The following WDFY4 variants were observed in gnomAD, a reference collection of about 807,000 sequenced individuals.
The protein encoded by WDFY4 is WDFY family member 4.
In WDFY4, 169 loss-of-function variants were observed where a neutral mutation model predicts 351.9. The ratio of observed to expected loss-of-function variants is 0.48; its 90% CI spans 0.42 to 0.55. The LOEUF (loss-of-function observed/expected upper bound fraction) is 0.55, where lower values mean the gene tolerates loss of function less well. Among genes scored for constraint, WDFY4 ranks in the 20% least tolerant of loss-of-function variants. The pLI is 0.00. For missense variants in WDFY4, 3,803 were observed against 3,935.6 expected, an observed-to-expected ratio of 0.97 and a Z score of 0.90; for synonymous variants, 1,622 against 1,574.6, an observed-to-expected ratio of 1.03 and a Z score of -0.71.
rs527264689 is a variant in WDFY4, at chr10:48,882,685, G to A, written c.7167+5486G>A. 1.5e-3 allele frequency among the ~76,000 whole-genome samples: 228 copies of A among 152,280 alleles called. 1 individual carries two copies. The highest frequency in any genetic ancestry group is 5.2e-3 in the African/African-American group (214 of 41,552). On this transcript the variant is annotated intron_variant, in intron 43 of 61. Transcript: ENST00000325239. Reference sequence around the variant, plus strand: ...TCACATAGTGAGAGAGGCAGCAAGAGAGAGAGGGAGGAGGGGCCAGGCTCT... The same window carrying A: ...TCACATAGTGAGAGAGGCAGCAAGAAAGAGAGGGAGGAGGGGCCAGGCTCT...
At chr10:48,924,349 A>G (rs1160862583) in intron 47 of WDFY4, among the ~76,000 whole-genome samples, 3 of 152,210 alleles carry the variant, frequency 2.0e-5, no homozygotes, top group Non-Finnish European at 2.9e-5. Flanking sequence ...AGAAGCCATG[A>G]TCTTTTGATC....
At chr10:48,700,384 A>T (rs1020979398) in intron 1 of WDFY4, among the ~76,000 whole-genome samples, 1 of 152,116 alleles carries the variant, frequency 6.6e-6, no homozygotes, top group Admixed American at 6.5e-5. Context: ...TCAGGGTCTT[A>T]TGTCCTCCAA....
intron 12 of WDFY4, among the ~76,000 whole-genome samples, chr10:48,754,984 A>G (rs1258526191): frequency 3.3e-5 from 5 of 152,156 alleles, no homozygotes; most frequent in Non-Finnish European, 5.9e-5. Flanking sequence ...CTACAGTTCT[A>G]TGGGTTTTAA....
chr10:48,863,482 C>T (rs1008385112), intron 39 of WDFY4, among the ~76,000 whole-genome samples: 1 of 152,112 alleles, frequency 6.6e-6, no homozygotes, highest in Non-Finnish European at 1.5e-5. Flanking sequence ...TGCTTATTAG[C>T]CATTTGAATA....
chr10:48,756,613 C>A (rs2065345456), intron 12 of WDFY4, among the ~76,000 whole-genome samples: 1 of 151,992 alleles, frequency 6.6e-6, no homozygotes, highest in African/African-American at 2.4e-5. Flanking sequence ...TGTAGATGCC[C>A]ATTGTTAGGT....
chr10:48,871,170 C>T (rs1045644779), intron 40 of WDFY4, among the ~76,000 whole-genome samples: 10 of 152,078 alleles, frequency 6.6e-5, no homozygotes, highest in South Asian at 2.1e-4. Flanking sequence ...CTCCTGACCT[C>T]GTGATCCGCC....
At chr10:48,924,488 A>T (rs1477251143) in intron 47 of WDFY4, among the ~76,000 whole-genome samples, 2 of 152,252 alleles carry the variant, frequency 1.3e-5, no homozygotes, top group Non-Finnish European at 2.9e-5. Context: ...AAGCAGATAG[A>T]TGGGCGAATA....
intron 13 of WDFY4, among the ~76,000 whole-genome samples, chr10:48,774,200 C>G (rs998398679): frequency 6.6e-6 from 1 of 152,224 alleles, no homozygotes; most frequent in Non-Finnish European, 1.5e-5. Context: ...TGGCCTCCAT[C>G]TTTAGCCATT....
intron 55 of WDFY4, chr10:48,967,327 A>C (rs1353619627): frequency 6.6e-6 from 1 of 152,262 alleles, no homozygotes; most frequent in Non-Finnish European, 1.5e-5. Flanking sequence ...GCCTGCAGAG[A>C]GTTGGTGAGG....
chr10:48,710,789 G>A (rs780161168), intron 2 of WDFY4, among the ~76,000 whole-genome samples: 17 of 152,334 alleles, frequency 1.1e-4, no homozygotes, highest in Admixed American at 9.8e-4. Flanking sequence ...ACAGCTCCAC[G>A]AAGGAAACCA....
At chr10:48,892,976 C>A (rs532818802) in intron 44 of WDFY4, among the ~76,000 whole-genome samples, 2 of 152,318 alleles carry the variant, frequency 1.3e-5, no homozygotes, top group East Asian at 3.9e-4. Context: ...TGGCAAAAAA[C>A]AAACAAATGC....
chr10:48,768,236 G>A (rs541173762), intron 13 of WDFY4, among the ~76,000 whole-genome samples: 110 of 152,280 alleles, frequency 7.2e-4, no homozygotes, highest in African/African-American at 2.2e-3. Context: ...GTCAGTGCTC[G>A]GTCTCCAGGC....
intron 2 of WDFY4, among the ~76,000 whole-genome samples, chr10:48,714,663 A>G (rs1352354166): frequency 6.6e-6 from 1 of 152,212 alleles, no homozygotes; most frequent in Non-Finnish European, 1.5e-5. Context: ...CTGTAATAAT[A>G]GAAATGGGGA....
intron 45 of WDFY4, among the ~76,000 whole-genome samples, chr10:48,899,418 G>A (rs1837245537): frequency 6.6e-6 from 1 of 152,146 alleles, no homozygotes; most frequent in South Asian, 2.1e-4. Flanking sequence ...CTTCCAGCCA[G>A]GTAGATGCAG....
At chr10:48,808,868 C>CCA (rs2067345629) in intron 28 of WDFY4, among the ~76,000 whole-genome samples, 2 of 152,274 alleles carry the variant, frequency 1.3e-5, no homozygotes, top group African/African-American at 4.8e-5. Flanking sequence ...CCCCAGGGAC[C>CCA]CAGAGGAGGC....
At chr10:48,806,347 G>GACC (rs1192258039) in intron 27 of WDFY4, among the ~76,000 whole-genome samples, 1 of 152,186 alleles carries the variant, frequency 6.6e-6, no homozygotes, top group Non-Finnish European at 1.5e-5. Context: ...GTTCCCTGTA[G>GACC]ACCAGCATGT....
At position 48,779,969 on chromosome 10, in the gene WDFY4, G is replaced by A; in HGVS notation, c.3426G>A (p.Glu1142=). The change falls in exon 19 of 62, where the codon GAG becomes GAA. Residue 1142 remains glutamate, a synonymous_variant. Transcript: ENST00000325239. ...LDVMEPEDDS[E]PSAGCQLQVR... is the part of the protein sequence containing the mutation. Reference sequence around the variant, plus strand: ...TCATGGAACCTGAGGATGACTCCGAGCCTTCTGCAGGATGCCAGCTTCAGG... The same window carrying A: ...TCATGGAACCTGAGGATGACTCCGAACCTTCTGCAGGATGCCAGCTTCAGG... 2 of 1,551,814 alleles carry A rather than the reference G, an allele frequency of 1.3e-6. No homozygotes were observed. Among genetic ancestry groups the A allele is most frequent in the Non-Finnish European group, 1.7e-6 (2 of 1,147,014 alleles).
chr10:48,938,292 T>C (rs78733553), intron 47 of WDFY4, among the ~76,000 whole-genome samples: 6,171 of 152,320 alleles, frequency 0.041, 407 homozygotes, highest in African/African-American at 0.14. Context: ...CCCTCTGTAG[T>C]TGTCTGCCAT....
In WDFY4 at chr10:48,834,107, G is replaced by A. The variant is rs80331409; in HGVS notation, c.6663+1398G>A. ...AAGGGCAAAGCACATGTCTTATTCA[G>A]GCTGTATTCTCAGGGAATTGACTTG... is the stretch of plus-strand genomic sequence containing the variant. On this transcript the variant is annotated intron_variant, in intron 39 of 61. Transcript: ENST00000325239. Among the ~76,000 whole-genome samples, 16 of 152,328 alleles carry A rather than the reference G, an allele frequency of 1.1e-4. No individual in the cohort carries two copies. In the East Asian group the frequency reaches 2.3e-3, roughly 22 times the overall value.
Sources: gnomAD v4.1 joint callset for allele counts (sites outside exome capture counted in the v4.1 genomes callset) on GRCh38, gnomAD v4.1.1 for gene constraint, MANE v1.5 for transcripts, NCBI Gene and HGNC (gene_info 2026-07-23, HGNC 2026-07-21) for gene names.